Variants in GRM3 observed in about 807,000 individuals in gnomAD.
GRM3 encodes the protein metabotropic glutamate receptor 3.
Under a neutral mutation model 70.5 loss-of-function variants are expected in GRM3, and 26 were observed. The ratio of observed to expected loss-of-function variants is 0.37; its 90% CI spans 0.27 to 0.51. The LOEUF (loss-of-function observed/expected upper bound fraction) is 0.51, where lower values mean the gene tolerates loss of function less well. Among genes scored for constraint, GRM3 ranks in the 20% least tolerant of loss-of-function variants. GRM3 has a pLI of 0.93. For synonymous variants in GRM3, 443 were observed against 434.9 expected (o/e 1.02, Z -0.23); for missense variants, 859 against 1,123.8 (o/e 0.76, Z 3.37).
chr7:86,767,505 G>T (rs1197306880), intron 2 of GRM3, among the ~76,000 whole-genome samples: 1 of 125,304 alleles, frequency 8.0e-6, no homozygotes, highest in African/African-American at 2.9e-5. Context: ...AAGAGTATCG[G>T]TCATACTTCA....
At position 86,683,676 on chromosome 7, in the gene GRM3, T is replaced by A. The variant is rs934974469; in HGVS notation, c.-141+38804T>A. On this transcript the variant is annotated intron_variant, in intron 1 of 5. Transcript: ENST00000361669. Reference sequence around the variant, plus strand: ...AGCCCCTGCTATGTCACAGGCACCATGCCAGACATGGTGGGGACCCATTAA... The same window carrying A: ...AGCCCCTGCTATGTCACAGGCACCAAGCCAGACATGGTGGGGACCCATTAA... Among the ~76,000 whole-genome samples, 4 of 152,264 alleles carry A rather than the reference T, an allele frequency of 2.6e-5. No individual in the cohort carries two copies. In the South Asian group the frequency reaches 8.3e-4, roughly 32 times the overall value.
At chr7:86,668,485 G>C (rs771600134) in intron 1 of GRM3, among the ~76,000 whole-genome samples, 1 of 151,974 alleles carries the variant, frequency 6.6e-6, no homozygotes, top group African/African-American at 2.4e-5. Flanking sequence ...CCCTTTGATC[G>C]TGTTGTTTGG....
At chr7:86,752,431 CT>C (rs1317395806) in intron 1 of GRM3, among the ~76,000 whole-genome samples, 2 of 152,066 alleles carry the variant, frequency 1.3e-5, no homozygotes, top group African/African-American at 4.8e-5. Flanking sequence ...TATTCTTAGT[CT>C]TTTTAAAGCA....
At chr7:86,844,825 C>A (rs898063935) in intron 4 of GRM3, among the ~76,000 whole-genome samples, 7 of 152,118 alleles carry the variant, frequency 4.6e-5, no homozygotes, top group Non-Finnish European at 1.0e-4. Context: ...AAACAAAGAA[C>A]TTTATTACTC....
rs998769135 is a variant in GRM3 at position 86,786,329 on chromosome 7, T to A, written c.537T>A (p.Ser179Arg). ...ISYASTSAKL[S>R]DKSRYDYFAR... is the part of the protein sequence containing the mutation. Reference sequence around the variant, plus strand: ...ACGCATCCACCAGCGCCAAACTCAGTGATAAGTCGCGCTATGATTACTTTG... The same window carrying A: ...ACGCATCCACCAGCGCCAAACTCAGAGATAAGTCGCGCTATGATTACTTTG... Residue 179 changes from serine to arginine, a missense_variant, in exon 3 of 6, where the codon AGT becomes AGA. By Grantham distance (110) the Ser-to-Arg change is moderately radical (BLOSUM62 -1). Coordinates refer to ENST00000361669, the MANE Select transcript of GRM3 (RefSeq NM_000840.3). This position sits in a 1 kb window ranked among gnomAD's most constrained non-coding sequence, Gnocchi z 6.0. 44 of 1,614,014 alleles carry A rather than the reference T, an allele frequency of 2.7e-5. No homozygotes were observed. The highest frequency in any genetic ancestry group is 3.6e-5 in the Non-Finnish European group (42 of 1,180,000).
intron 1 of GRM3, among the ~76,000 whole-genome samples, chr7:86,677,097 T>G (rs903575578): frequency 3.3e-5 from 5 of 151,980 alleles, no homozygotes; most frequent in African/African-American, 1.2e-4. Flanking sequence ...TATAACTGTT[T>G]GGAGCCCTAG....
chr7:86,759,301 G>A (rs575920835), intron 1 of GRM3, among the ~76,000 whole-genome samples: 25 of 152,094 alleles, frequency 1.6e-4, no homozygotes, highest in African/African-American at 5.3e-4. Flanking sequence ...AAATCAACCG[G>A]CAATTCAGCA....
chr7:86,789,278 T>C (rs529272167), intron 3 of GRM3, among the ~76,000 whole-genome samples: 58 of 152,176 alleles, frequency 3.8e-4, no homozygotes, highest in African/African-American at 1.3e-3. Flanking sequence ...TTCTCAGCAG[T>C]GAGAATTGGA....
chr7:86,705,496 T>C (rs1230290668), intron 1 of GRM3, among the ~76,000 whole-genome samples: 3 of 152,040 alleles, frequency 2.0e-5, no homozygotes, highest in Non-Finnish European at 4.4e-5. Context: ...GAGGCTGAAC[T>C]AGCTGCATGG....
chr7:86,800,761 AG>A (rs1310211660), intron 3 of GRM3, among the ~76,000 whole-genome samples: 1 of 152,216 alleles, frequency 6.6e-6, no homozygotes, highest in Non-Finnish European at 1.5e-5. Flanking sequence ...ACAGTTGAAA[AG>A]GAAGGACTTC....
chr7:86,775,886 C>T (rs1328344710), intron 2 of GRM3: 1 of 152,096 alleles, frequency 6.6e-6, no homozygotes, highest in Non-Finnish European at 1.5e-5. Flanking sequence ...GATGAATCAT[C>T]TGAGTGTAAT....
At position 86,841,917 on chromosome 7, in the gene GRM3, G is replaced by A. The variant is rs568135121; in HGVS notation, c.2391+2012G>A. ...AATGGGACAGAGGTTGTGGAATAGA[G>A]TTTTTTAAGGTCCGTGATAATTAAG... On this transcript the variant is annotated intron_variant, in intron 4 of 5. Transcript: ENST00000361669. 1.1e-4 allele frequency among the ~76,000 whole-genome samples: 16 copies of A among 152,228 alleles called. No homozygotes were observed. The South Asian group carries it at 3.1e-3, about 30-fold the overall frequency.
chr7:86,823,041 G>C (rs928518303), intron 3 of GRM3, among the ~76,000 whole-genome samples: 9 of 152,120 alleles, frequency 5.9e-5, no homozygotes, highest in African/African-American at 1.7e-4. Context: ...ATGGGATGCT[G>C]GTAGCTGTGG....
intron 3 of GRM3, among the ~76,000 whole-genome samples, chr7:86,838,283 A>G (rs1375398056): frequency 2.0e-5 from 3 of 152,210 alleles, no homozygotes; most frequent in Non-Finnish European, 4.4e-5. Flanking sequence ...GAGTTGAAGT[A>G]TGATAGGTAG....
At chr7:86,862,955 T>A (rs1798988052) in intron 5 of GRM3, among the ~76,000 whole-genome samples, 1 of 152,192 alleles carries the variant, frequency 6.6e-6, no homozygotes, top group Admixed American at 6.5e-5. Context: ...CTTTGAGATA[T>A]GCTCTTAAAG....
intron 3 of GRM3, among the ~76,000 whole-genome samples, chr7:86,825,222 C>A (rs576701088): frequency 1.3e-5 from 2 of 152,276 alleles, no homozygotes; most frequent in South Asian, 4.1e-4. Context: ...TTGGTTTATT[C>A]TAAGTGAATT....
At chr7:86,843,439 C>T (rs192181369) in intron 4 of GRM3, among the ~76,000 whole-genome samples, 3 of 152,092 alleles carry the variant, frequency 2.0e-5, no homozygotes, top group South Asian at 4.1e-4. Context: ...CAATACAGAG[C>T]AAACAAGGAA....
At chr7:86,694,182 A>G (rs1794757117) in intron 1 of GRM3, among the ~76,000 whole-genome samples, 2 of 152,268 alleles carry the variant, frequency 1.3e-5, no homozygotes, top group South Asian at 4.1e-4. Flanking sequence ...TATCTCTAAC[A>G]ACTGACCAAA....
intron 3 of GRM3, among the ~76,000 whole-genome samples, chr7:86,804,142 T>C (rs1483517965): frequency 6.6e-6 from 1 of 152,172 alleles, no homozygotes; most frequent in African/African-American, 2.4e-5. Flanking sequence ...GTAAAATGAT[T>C]GTTATCTCAT....
Sources: gnomAD v4.1 joint callset for allele counts (sites outside exome capture counted in the v4.1 genomes callset) on GRCh38, gnomAD v4.1.1 for gene constraint, Gnocchi (gnomAD v3.1) non-coding constraint, MANE v1.5 for transcripts, NCBI Gene and HGNC (gene_info 2026-07-23, HGNC 2026-07-21) for gene names.